KIF5C: variants seen among roughly 807,000 people sequenced by gnomAD.
KIF5C encodes the protein kinesin heavy chain isoform 5C.
KIF5C carries 18 observed loss-of-function variants against 125.2 expected under a neutral mutation model. The observed-to-expected ratio is 0.14, with a 90% confidence interval of 0.10 to 0.21. The LOEUF (loss-of-function observed/expected upper bound fraction) is 0.21, where lower values mean the gene tolerates loss of function less well. Among genes scored for constraint, KIF5C ranks in the 10% least tolerant of loss-of-function variants. The pLI is 1.00. For synonymous variants in KIF5C, 405 were observed against 434.0 expected, an observed-to-expected ratio of 0.93 and a Z score of 0.83; for missense variants, 780 against 1,183.8, an observed-to-expected ratio of 0.66 and a Z score of 5.01.
intron 1 of KIF5C, chr2:148,885,653 G>T (rs974335090): frequency 6.6e-6 from 1 of 152,066 alleles, no homozygotes; most frequent in South Asian, 2.1e-4. Flanking sequence ...GTATTTTAAC[G>T]AAAAAGGTTT....
intron 1 of KIF5C, among the ~76,000 whole-genome samples, chr2:148,881,911 A>T (rs1179436967): frequency 6.6e-6 from 1 of 152,066 alleles, no homozygotes; most frequent in Non-Finnish European, 1.5e-5. Context: ...CTACTCCCTA[A>T]TGGTTTCTCT....
chr2:148,994,468 A>G lies in KIF5C; in HGVS notation c.1953A>G (p.Glu651=), dbSNP rs753790159. 1.3e-6 allele frequency: 2 copies of G among 1,577,044 alleles called. No homozygotes were observed. Among genetic ancestry groups the G allele is most frequent in the South Asian group, 1.2e-5 (1 of 85,568 alleles). The change falls in exon 17 of 26, where the codon GAA becomes GAG. Residue 651 remains glutamate, a synonymous_variant. Transcript: ENST00000435030. ...TGACAGACTACATGCAGAACATGGA[A>G]CAGAAGAGGAGGCAGCTAGAAGAGT... ...KSLTDYMQNM[E]QKRRQLEESQ...
At chr2:148,914,871 G>C (rs1054960462) in intron 1 of KIF5C, among the ~76,000 whole-genome samples, 1 of 152,246 alleles carries the variant, frequency 6.6e-6, no homozygotes, top group Admixed American at 6.5e-5. Flanking sequence ...TGGGGAGCTG[G>C]AGTAGAGGCT....
chr2:148,948,750 G>A (rs1168696540), intron 8 of KIF5C, among the ~76,000 whole-genome samples: 1 of 152,178 alleles, frequency 6.6e-6, no homozygotes, highest in Non-Finnish European at 1.5e-5. Flanking sequence ...TCTGTCGAAG[G>A]AGGGTGATAG....
intron 1 of KIF5C, among the ~76,000 whole-genome samples, chr2:148,912,419 CAA>C (rs1681377115): frequency 6.6e-6 from 1 of 152,134 alleles, no homozygotes; most frequent in Admixed American, 6.5e-5. Flanking sequence ...AATTCAGCAA[CAA>C]AAAGTTTTTA....
intron 2 of KIF5C, among the ~76,000 whole-genome samples, chr2:148,925,149 T>C (rs1159198067): frequency 1.3e-5 from 2 of 152,194 alleles, no homozygotes; most frequent in African/African-American, 2.4e-5. Flanking sequence ...CTGAGGACTA[T>C]AGAATATAGG....
At chr2:148,939,215 A>G (rs1682356265) in intron 4 of KIF5C, among the ~76,000 whole-genome samples, 1 of 152,156 alleles carries the variant, frequency 6.6e-6, no homozygotes, top group South Asian at 2.1e-4. Context: ...TTTCAATTAT[A>G]TTAAACTTCT....
intron 8 of KIF5C, 190 bp downstream of exon 8, chr2:148,947,213 T>C (rs1682538825): frequency 4.8e-6 from 4 of 840,892 alleles, no homozygotes; most frequent in Admixed American, 6.7e-5. Context: ...GGTCTCCTAT[T>C]GGTGTCACAG....
chr2:148,891,556 C>T (rs1192820477), intron 1 of KIF5C, among the ~76,000 whole-genome samples: 1 of 152,206 alleles, frequency 6.6e-6, no homozygotes, highest in Non-Finnish European at 1.5e-5. Context: ...GGGCCTATTT[C>T]ATGCAGAGCA....
intron 10 of KIF5C, among the ~76,000 whole-genome samples, chr2:148,951,263 G>A (rs1297225503): frequency 6.6e-6 from 1 of 152,194 alleles, no homozygotes; most frequent in African/African-American, 2.4e-5. Flanking sequence ...AGCACTGGAG[G>A]TAGGAGGTCT....
chr2:148,926,368 A>G (rs1002151173), intron 2 of KIF5C, among the ~76,000 whole-genome samples: 1 of 152,212 alleles, frequency 6.6e-6, no homozygotes, highest in African/African-American at 2.4e-5. Context: ...TGGAGGTCAC[A>G]TCACACCAGG....
chr2:148,933,413 T>C (rs1188364536), intron 3 of KIF5C, among the ~76,000 whole-genome samples: 1 of 151,748 alleles, frequency 6.6e-6, no homozygotes, highest in African/African-American at 2.4e-5. Context: ...CACCTCACTC[T>C]CATACACACA....
At chr2:148,977,439 T>A (rs1681107417) in intron 12 of KIF5C, among the ~76,000 whole-genome samples, 1 of 152,242 alleles carries the variant, frequency 6.6e-6, no homozygotes, top group Non-Finnish European at 1.5e-5. Context: ...TCCTTTATGC[T>A]AAGTTGTCTA....
chr2:149,008,083 C>T lies in KIF5C; in HGVS notation c.2550+16C>T. On this transcript the variant is annotated intron_variant, in intron 23 of 25. Coordinates refer to ENST00000435030, the MANE Select transcript of KIF5C (RefSeq NM_004522.3). Reference sequence around the variant, plus strand: ...TCACAAGCAGGTAGGAGAGTTCTGCCCGCTCCCCTCTGATTCCCTCCTCTC... The same window carrying T: ...TCACAAGCAGGTAGGAGAGTTCTGCTCGCTCCCCTCTGATTCCCTCCTCTC... The T allele has an allele frequency of 6.2e-7, 1 of 1,600,028 alleles. No individual in the cohort carries two copies. The highest frequency in any genetic ancestry group is 8.5e-7 in the Non-Finnish European group (1 of 1,170,936).
At chr2:148,916,265 T>C (rs73966644) in intron 1 of KIF5C, among the ~76,000 whole-genome samples, 25,245 of 152,180 alleles carry the variant, frequency 0.17, 3,379 homozygotes, top group African/African-American at 0.37. Context: ...GTAAAGCTGG[T>C]GAGTGTACAA....
chr2:148,903,657 G>A (rs142141481), intron 1 of KIF5C, among the ~76,000 whole-genome samples: 141 of 152,248 alleles, frequency 9.3e-4, no homozygotes, highest in African/African-American at 3.0e-3. Context: ...TTGTTATTTC[G>A]TCCTCACAGA....
At position 148,970,876 on chromosome 2, in the gene KIF5C, G is replaced by A. The variant is rs559220990; in HGVS notation, c.1118-2460G>A. On this transcript the variant is annotated intron_variant, in intron 11 of 25. Transcript: ENST00000435030. ...GGCCATTTGAAACCAAAGAACACAG[G>A]GAATATATCTCTTCCAGATGTTTTT... 2.0e-5 allele frequency among the ~76,000 whole-genome samples: 3 copies of A among 152,256 alleles called. No individual in the cohort carries two copies. The East Asian group carries it at 5.8e-4, about 29-fold the overall frequency.
chr2:148,905,182 A>G (rs1681056933), intron 1 of KIF5C, among the ~76,000 whole-genome samples: 1 of 152,216 alleles, frequency 6.6e-6, no homozygotes, highest in Non-Finnish European at 1.5e-5. Context: ...AAGGAAAAAT[A>G]AGTTAATTAA....
chr2:148,991,117 C>T lies in KIF5C; in HGVS notation c.1824C>T (p.Leu608=), dbSNP rs192709369. The T allele has an allele frequency of 6.8e-6, 11 of 1,613,944 alleles. No homozygotes were observed. Among genetic ancestry groups the T allele is most frequent in the African/African-American group, 4.0e-5 (3 of 75,046 alleles). The stretch of plus-strand genomic sequence containing the variant: ...CCCTGGTGAACCGCAGCAAACAGCT[C>T]GAGAGCGCCCAGATGGACTCCAACA... ...VKSLVNRSKQ[L]ESAQMDSNRK... is the part of the protein sequence containing the mutation. Residue 608 remains leucine, a synonymous_variant, in exon 16 of 26, where the codon CTC becomes CTT. Transcript: ENST00000435030.
Sources: gnomAD v4.1 joint callset for allele counts (sites outside exome capture counted in the v4.1 genomes callset) on GRCh38, gnomAD v4.1.1 for gene constraint, MANE v1.5 for transcripts, NCBI Gene and HGNC (gene_info 2026-07-23, HGNC 2026-07-21) for gene names.